GPHN: variants seen among roughly 807,000 people sequenced by gnomAD.
The protein encoded by GPHN is gephyrin.
GPHN carries 17 observed loss-of-function variants against 95.5 expected under a neutral mutation model. The observed-to-expected ratio is 0.18, with a 90% confidence interval of 0.12 to 0.27. GPHN has a LOEUF of 0.27. Ranked by LOEUF, GPHN falls within the 10% of genes least tolerant of loss-of-function variation. The pLI, the probability that GPHN is intolerant of heterozygous loss-of-function variation, is 1.00. For missense variants in GPHN, 660 were observed against 978.1 expected, an observed-to-expected ratio of 0.67 and a Z score of 4.34; for synonymous variants, 320 against 322.5, an observed-to-expected ratio of 0.99 and a Z score of 0.08.
the GPHN span, chr14:67,487,193 T>A: frequency 1.3e-5 from 2 of 152,180 alleles, no homozygotes; most frequent in African/African-American, 4.8e-5. Flanking sequence ...AAGAGGAGGC[T>A]TTTATTAGCT....
At chr14:67,530,537 C>A in the GPHN span, among the ~76,000 whole-genome samples, 3 of 152,216 alleles carry the variant, frequency 2.0e-5, no homozygotes, top group Non-Finnish European at 2.9e-5. Flanking sequence ...TCTCCTGTAA[C>A]TCCTAGAGTG....
At chr14:67,111,601 A>G (rs2078376104) in intron 14 of GPHN, among the ~76,000 whole-genome samples, 1 of 152,198 alleles carries the variant, frequency 6.6e-6, no homozygotes, top group Non-Finnish European at 1.5e-5. Context: ...CTTATAAACA[A>G]GATTTAATAT....
chr14:66,707,596 T>C (rs2069203699), intron 2 of GPHN, among the ~76,000 whole-genome samples: 1 of 152,108 alleles, frequency 6.6e-6, no homozygotes, highest in South Asian at 2.1e-4. Flanking sequence ...GTTCTCACTC[T>C]TAAGTGGGTG....
the GPHN span, among the ~76,000 whole-genome samples, chr14:67,507,468 C>A: frequency 6.6e-6 from 1 of 152,014 alleles, no homozygotes; most frequent in Non-Finnish European, 1.5e-5. Flanking sequence ...ACCCTGGAGT[C>A]CCCAGGGTCT....
intron 17 of GPHN, among the ~76,000 whole-genome samples, chr14:67,127,732 C>G (rs2079420182): frequency 6.6e-6 from 1 of 152,160 alleles, no homozygotes; most frequent in Admixed American, 6.5e-5. Context: ...AGATATTGAT[C>G]TTACTTTTGA....
intron 9 of GPHN, among the ~76,000 whole-genome samples, chr14:66,972,844 G>T (rs2069909774): frequency 6.6e-6 from 1 of 152,102 alleles, no homozygotes; most frequent in Non-Finnish European, 1.5e-5. Flanking sequence ...GAAGATGGCA[G>T]TGAATAGAAC....
chr14:67,254,032 C>CA, the GPHN span, among the ~76,000 whole-genome samples: 3 of 142,538 alleles, frequency 2.1e-5, no homozygotes, highest in South Asian at 7.1e-4. Flanking sequence ...TCATCCCCCC[C>CA]CCCTTACAAG....
At chr14:66,727,694 A>G (rs1313083811) in intron 2 of GPHN, among the ~76,000 whole-genome samples, 1 of 152,192 alleles carries the variant, frequency 6.6e-6, no homozygotes, top group Admixed American at 6.5e-5. Flanking sequence ...TGATTTCTAA[A>G]CAGTAAAGCA....
At chr14:67,334,948 T>TGTTAA in the GPHN span, 4 of 152,328 alleles carry the variant, frequency 2.6e-5, no homozygotes, top group Admixed American at 6.5e-5. Flanking sequence ...TGGCAGTTCA[T>TGTTAA]GTTAAGTTAG....
intron 2 of GPHN, among the ~76,000 whole-genome samples, chr14:66,685,004 T>C (rs10147349): frequency 2.0e-5 from 3 of 151,956 alleles, no homozygotes; most frequent in Non-Finnish European, 2.9e-5. Context: ...GCGGTGTTTG[T>C]TTTTTTGTAC....
chr14:67,098,266 G>A (rs72715367), intron 12 of GPHN, among the ~76,000 whole-genome samples: 10,114 of 152,170 alleles, frequency 0.066, 359 homozygotes, highest in Middle Eastern at 0.085. Context: ...CCAGCCCTTA[G>A]TTTAACACTT....
chr14:67,365,128 T>G, the GPHN span: 2 of 1,081,110 alleles, frequency 1.8e-6, no homozygotes, highest in Non-Finnish European at 2.5e-6. Context: ...TACTTAAACC[T>G]TTTACATACA....
At chr14:67,673,093 T>G in the GPHN span, among the ~76,000 whole-genome samples, 1 of 152,182 alleles carries the variant, frequency 6.6e-6, no homozygotes, top group Non-Finnish European at 1.5e-5. Flanking sequence ...ACCGCCCTAT[T>G]TAAAACTGAA....
chr14:66,794,794 A>G (rs992785168), intron 3 of GPHN, among the ~76,000 whole-genome samples: 1 of 152,206 alleles, frequency 6.6e-6, no homozygotes, highest in African/African-American at 2.4e-5. Flanking sequence ...ACTGTTGCAT[A>G]TATGTACATT....
the GPHN span, among the ~76,000 whole-genome samples, chr14:67,418,654 C>G: frequency 6.6e-6 from 1 of 152,168 alleles, no homozygotes; most frequent in African/African-American, 2.4e-5. Context: ...AAGTCAGCCT[C>G]TGTTGTAAAC....
At chr14:67,623,093 A>G in the GPHN span, among the ~76,000 whole-genome samples, 2 of 152,282 alleles carry the variant, frequency 1.3e-5, no homozygotes, top group Non-Finnish European at 2.9e-5. Context: ...TAATTGTACA[A>G]TTATATCCTT....
chr14:67,241,242 G>A, the GPHN span: 1 of 152,268 alleles, frequency 6.6e-6, no homozygotes, highest in South Asian at 2.1e-4. Context: ...GGTGGGACTC[G>A]GATCCGCGCG....
At chr14:67,365,975 A>G in the GPHN span, among the ~76,000 whole-genome samples, 3 of 152,266 alleles carry the variant, frequency 2.0e-5, no homozygotes, top group East Asian at 1.9e-4. Context: ...TGACTTAGCT[A>G]TAGCCCCGCC....
chr14:67,541,616 C>T, the GPHN span, among the ~76,000 whole-genome samples: 1 of 152,182 alleles, frequency 6.6e-6, no homozygotes, highest in African/African-American at 2.4e-5. Flanking sequence ...TTCGCGGTTT[C>T]CTGAGGCTCT....
Sources: allele counts gnomAD v4.1 joint callset (sites outside exome capture counted in the v4.1 genomes callset), GRCh38; gene constraint gnomAD v4.1.1; transcripts MANE v1.5; gene names NCBI Gene and HGNC (gene_info 2026-07-23, HGNC 2026-07-21).